The following SCAMP1 variants were observed in gnomAD, a reference collection of about 807,000 sequenced individuals.
SCAMP1 encodes the protein secretory carrier-associated membrane protein 1.
SCAMP1 carries 15 observed loss-of-function variants against 41.8 expected under a neutral mutation model. The observed-to-expected ratio is 0.36, with a 90% confidence interval of 0.24 to 0.55. The LOEUF is 0.55. Ranked by LOEUF, SCAMP1 falls within the 20% of genes least tolerant of loss-of-function variation. The pLI is 0.86. For synonymous variants in SCAMP1, 135 were observed against 136.8 expected, an observed-to-expected ratio of 0.99 and a Z score of 0.09; for missense variants, 341 against 412.6, an observed-to-expected ratio of 0.83 and a Z score of 1.50.
chr5:78,370,044 A>C (rs931896179), intron 1 of SCAMP1, among the ~76,000 whole-genome samples: 8 of 152,248 alleles, frequency 5.3e-5, no homozygotes, highest in African/African-American at 1.9e-4. Context: ...GTGCCATGTC[A>C]TGAAGAATTT....
intron 1 of SCAMP1, chr5:78,361,056 G>T: frequency 3.8e-6 from 1 of 259,886 alleles, no homozygotes; most frequent in Non-Finnish European, 7.4e-6. Flanking sequence ...GCCGAGGGCA[G>T]GTAGAGTCGC....
chr5:78,471,510 A>G (rs536997164), intron 8 of SCAMP1, among the ~76,000 whole-genome samples: 3 of 152,280 alleles, frequency 2.0e-5, no homozygotes, highest in Admixed American at 2.0e-4. Context: ...GCTTTTATAA[A>G]AGTTGAAATA....
intron 6 of SCAMP1, among the ~76,000 whole-genome samples, chr5:78,445,719 C>G (rs1753037109): frequency 6.6e-6 from 1 of 152,084 alleles, no homozygotes; most frequent in Non-Finnish European, 1.5e-5. Flanking sequence ...CAGAGCTCCT[C>G]AGCTTTTCCT....
chr5:78,455,015 G>A (rs1290314018), intron 7 of SCAMP1, among the ~76,000 whole-genome samples: 1 of 151,838 alleles, frequency 6.6e-6, no homozygotes, highest in African/African-American at 2.4e-5. Context: ...TATTTCTGTG[G>A]GATCAGTGGT....
At position 78,437,591 on chromosome 5, in the gene SCAMP1, G is replaced by C. The variant is rs191182083; in HGVS notation, c.633-12342G>C. Among the ~76,000 whole-genome samples the C allele has an allele frequency of 3.6e-4, 55 of 152,304 alleles. No individual in the cohort carries two copies. The East Asian group carries it at 9.6e-3, about 27-fold the overall frequency. The stretch of plus-strand genomic sequence containing the variant: ...CTTGATCATGGTGGATAAGCTTTTT[G>C]ATGTGCTGCTGGATTCAGTTTGTCA... On this transcript the variant is annotated intron_variant, in intron 6 of 8. Coordinates refer to ENST00000621999, the MANE Select transcript of SCAMP1 (RefSeq NM_004866.6).
At chr5:78,469,888 AT>A (rs1288884008) in intron 8 of SCAMP1, among the ~76,000 whole-genome samples, 2 of 71,520 alleles carry the variant, frequency 2.8e-5, no homozygotes, top group Admixed American at 1.6e-4. Context: ...CTTACAAGAC[AT>A]TAAAAAAAAA....
chr5:78,468,220 A>G (rs1387967666), intron 8 of SCAMP1, among the ~76,000 whole-genome samples: 1 of 152,300 alleles, frequency 6.6e-6, no homozygotes, highest in Non-Finnish European at 1.5e-5. Flanking sequence ...CACATTTCAA[A>G]TATTGAAAGA....
intron 1 of SCAMP1, among the ~76,000 whole-genome samples, chr5:78,363,776 A>G (rs1299742866): frequency 6.6e-6 from 1 of 151,784 alleles, no homozygotes; most frequent in South Asian, 2.1e-4. Flanking sequence ...ACTTGATTTT[A>G]TTGGTTCTTG....
chr5:78,468,713 C>T (rs1753801518), intron 8 of SCAMP1, among the ~76,000 whole-genome samples: 1 of 152,048 alleles, frequency 6.6e-6, no homozygotes, highest in African/African-American at 2.4e-5. Flanking sequence ...TGAAGTGTTT[C>T]AAATCTTGTT....
chr5:78,386,088 C>G (rs923198463), intron 1 of SCAMP1, among the ~76,000 whole-genome samples: 1 of 152,098 alleles, frequency 6.6e-6, no homozygotes, highest in Non-Finnish European at 1.5e-5. Context: ...TGCTGTCTAT[C>G]TCATTTCTTA....
intron 2 of SCAMP1, among the ~76,000 whole-genome samples, chr5:78,413,421 C>CTTTT (rs10661289): frequency 2.9e-5 from 4 of 139,958 alleles, no homozygotes; most frequent in Non-Finnish European, 6.1e-5. Flanking sequence ...TAGTTCCTGC[C>CTTTT]TTTTTTTTTT....
rs115225764 is a variant in SCAMP1, at chr5:78,407,308, A to G, written c.136-8212A>G. On this transcript the variant is annotated intron_variant, in intron 2 of 8. Transcript: ENST00000621999. ...TTTCATCTTGGTTCTCAAACAGCTG[A>G]TCTGACTGGTTTTAGAGTTCTGCAT... Among the ~76,000 whole-genome samples the G allele has an allele frequency of 5.9e-3, 902 of 152,240 alleles. 4 individuals carry two copies. The highest frequency in any genetic ancestry group is 0.02 in the African/African-American group (851 of 41,538).
chr5:78,394,390 A>G (rs186064710), intron 2 of SCAMP1, among the ~76,000 whole-genome samples: 147 of 152,120 alleles, frequency 9.7e-4, no homozygotes, highest in African/African-American at 3.3e-3. Context: ...TGAGTTAAAT[A>G]ATTTTATCTT....
At chr5:78,420,217 G>C (rs1752309585) in intron 5 of SCAMP1, among the ~76,000 whole-genome samples, 1 of 151,834 alleles carries the variant, frequency 6.6e-6, no homozygotes, top group Non-Finnish European at 1.5e-5. Flanking sequence ...CATCACGCCT[G>C]GCTAATTTTT....
chr5:78,456,522 T>C (rs1400158664), intron 7 of SCAMP1, among the ~76,000 whole-genome samples: 4 of 151,698 alleles, frequency 2.6e-5, no homozygotes, highest in African/African-American at 9.7e-5. Context: ...CCCCACTCTC[T>C]TCTGGCTTGT....
chr5:78,474,317 G>A (rs12697886), intron 8 of SCAMP1, among the ~76,000 whole-genome samples: 56,161 of 151,958 alleles, frequency 0.37, 12,470 homozygotes, highest in Non-Finnish European at 0.5. Flanking sequence ...AACATATGCC[G>A]TTGGTTTCCA....
chr5:78,445,540 T>C (rs1470023956), intron 6 of SCAMP1, among the ~76,000 whole-genome samples: 1 of 152,224 alleles, frequency 6.6e-6, no homozygotes, highest in African/African-American at 2.4e-5. Flanking sequence ...AAAATGGCTA[T>C]GTTCAAGCTG....
intron 6 of SCAMP1, among the ~76,000 whole-genome samples, chr5:78,448,157 TTC>T (rs2112204321): frequency 4.9e-5 from 4 of 80,924 alleles, no homozygotes; most frequent in African/African-American, 2.1e-4. Context: ...TTCTTCCTCC[TTC>T]TCCTCCTCCT....
Position 78,410,372 on chromosome 5 carries a change from C to CCACTGAGTTCAGTT in SCAMP1, c.136-5147_136-5146insACTGAGTTCAGTTC, listed in dbSNP as rs1336083360. Among the ~76,000 whole-genome samples the CCACTGAGTTCAGTT allele has an allele frequency of 4.6e-5, 7 of 152,094 alleles. No individual in the cohort carries two copies. In the East Asian group the frequency reaches 1.4e-3, roughly 29 times the overall value. On this transcript the variant is annotated intron_variant, in intron 2 of 8. Transcript: ENST00000621999. ...GTCCATGTGTTCTCAATGTTCAGTT[C>CCACTGAGTTCAGTT]CCACTTATGAGTGGGAACATGCTGT...
Sources: gnomAD v4.1 joint callset for allele counts (sites outside exome capture counted in the v4.1 genomes callset) on GRCh38, gnomAD v4.1.1 for gene constraint, MANE v1.5 for transcripts, NCBI Gene and HGNC (gene_info 2026-07-23, HGNC 2026-07-21) for gene names.